SPATA1: variants seen among roughly 807,000 people sequenced by gnomAD.
SPATA1 encodes spermatogenesis-associated protein 1.
A neutral mutation model predicts 59.6 loss-of-function variants in SPATA1; 57 were observed. That is an observed-to-expected ratio of 0.96 (90% CI 0.77 to 1.19). SPATA1 has a LOEUF of 1.19. Among genes scored for constraint, SPATA1 ranks in the 50% most tolerant of loss-of-function variants. The pLI is 0.00. For missense variants in SPATA1, 448 were observed against 480.7 expected (o/e 0.93, Z 0.64); for synonymous variants, 147 against 163.9 (o/e 0.90, Z 0.79).
At chr1:84,532,583 T>C (rs954058446) in intron 6 of SPATA1, among the ~76,000 whole-genome samples, 1 of 152,200 alleles carries the variant, frequency 6.6e-6, no homozygotes, top group Non-Finnish European at 1.5e-5. Context: ...AACCCTTTAA[T>C]AGGAGTGAAT....
downstream of SPATA1, chr1:84,554,953 T>C (rs1308060558): frequency 6.9e-7 from 1 of 1,451,294 alleles, no homozygotes; most frequent in East Asian, 2.3e-5. Context: ...CTAGATCTGT[T>C]GATACAGATC....
chr1:84,521,883 T>G (rs1178414417), intron 3 of SPATA1, among the ~76,000 whole-genome samples: 5 of 152,168 alleles, frequency 3.3e-5, no homozygotes, highest in Non-Finnish European at 7.3e-5. Flanking sequence ...AAACAAGAAC[T>G]CAGATGATAG....
chr1:84,530,238 G>T (rs1353998289), intron 6 of SPATA1, among the ~76,000 whole-genome samples: 2 of 152,152 alleles, frequency 1.3e-5, no homozygotes, highest in Non-Finnish European at 2.9e-5. Flanking sequence ...TACAGTGTAT[G>T]GCCATGCAGA....
chr1:84,553,080 C>G, exon 13 of SPATA1: 1 of 1,525,932 alleles, frequency 6.6e-7, no homozygotes, highest in South Asian at 1.3e-5. Flanking sequence ...GAAAACTGAA[C>G]TGGCACAGAA....
At chr1:84,515,830 A>G (rs1682773206) in intron 1 of SPATA1, among the ~76,000 whole-genome samples, 1 of 152,178 alleles carries the variant, frequency 6.6e-6, no homozygotes, top group Non-Finnish European at 1.5e-5. Flanking sequence ...TCATCATTCT[A>G]TAGCCATTTT....
Position 84,511,655 on chromosome 1 carries a change from CTTTTT to C in SPATA1, c.-137-4557_-137-4553del, listed in dbSNP as rs771793030. On this transcript the variant is annotated intron_variant, in intron 1 of 12. Transcript: ENST00000490879. ...CTGGAGTGCCCTCAGGCATTTCAGG[CTTTTT>C]TTTTTTTTTTCTTTCTTTCTTTTTT... is the stretch of plus-strand genomic sequence containing the variant. 9.5e-4 allele frequency among the ~76,000 whole-genome samples: 77 copies of C among 81,138 alleles called. 2 individuals carry two copies. Among genetic ancestry groups the C allele is most frequent in the Admixed American group, 4.7e-3 (38 of 8,170 alleles). The allele number at this position is 81,138 out of a possible 152,430, so 53.2% of individuals were successfully genotyped here. A position where few individuals can be genotyped will look rare whatever the true frequency, so the allele number is the denominator to read the frequency against.
chr1:84,522,203 T>C (rs1683055616), intron 3 of SPATA1, among the ~76,000 whole-genome samples, 187 bp from the exon 4 acceptor site: 1 of 152,224 alleles, frequency 6.6e-6, no homozygotes, highest in Non-Finnish European at 1.5e-5. Context: ...CTTTTAATTA[T>C]TTATTTTAAG....
intron 1 of SPATA1, among the ~76,000 whole-genome samples, chr1:84,513,782 A>G (rs574445633): frequency 3.3e-5 from 5 of 151,384 alleles, no homozygotes; most frequent in Non-Finnish European, 7.4e-5. Flanking sequence ...TAGCTTTCCC[A>G]TAACATGGGC....
chr1:84,555,215 A>T (rs1684393775), downstream of SPATA1: 1 of 1,579,468 alleles, frequency 6.3e-7, no homozygotes, highest in Non-Finnish European at 8.7e-7. Flanking sequence ...TAAATAAATT[A>T]AAATGGAGAT....
chr1:84,532,290 G>A (rs1440227542), intron 6 of SPATA1, among the ~76,000 whole-genome samples: 1 of 152,212 alleles, frequency 6.6e-6, no homozygotes, highest in African/African-American at 2.4e-5. Context: ...GAGGTCAGGA[G>A]TTCAAGACAA....
chr1:84,541,326 T>G (rs1484747194), intron 8 of SPATA1, among the ~76,000 whole-genome samples: 2 of 152,204 alleles, frequency 1.3e-5, no homozygotes, highest in African/African-American at 4.8e-5. Flanking sequence ...TGTTTTGTTT[T>G]TCTTTCAGGG....
At chr1:84,507,025 G>A (rs1252753821) in intron 1 of SPATA1, 2 of 152,146 alleles carry the variant, frequency 1.3e-5, no homozygotes, top group African/African-American at 2.4e-5. Flanking sequence ...TATTTCCGTT[G>A]TAATTTATTA....
At position 84,537,450 on chromosome 1, in the gene SPATA1, C is replaced by T. The variant is rs549987305; in HGVS notation, c.717+3684C>T. On this transcript the variant is annotated intron_variant, in intron 8 of 12. Transcript: ENST00000490879. ...ATTATTTTTAGTCTTCACAAATAGA[C>T]GTCTACCTTGAATAACCACATGAAG... Among the ~76,000 whole-genome samples, 17 of 152,240 alleles carry T rather than the reference C, an allele frequency of 1.1e-4. No homozygotes were observed. The South Asian group carries it at 3.3e-3, about 30-fold the overall frequency.
chr1:84,565,988 G>T, exon 5 of SPATA1: 1 of 1,564,656 alleles, frequency 6.4e-7, no homozygotes, highest in Non-Finnish European at 8.6e-7. Context: ...ATGTTCTTTG[G>T]AGACCAAGCT....
At chr1:84,541,753 G>GT (rs1411682970) in intron 8 of SPATA1, among the ~76,000 whole-genome samples, 1 of 152,082 alleles carries the variant, frequency 6.6e-6, no homozygotes, top group East Asian at 1.9e-4. Flanking sequence ...TTCTTCATAA[G>GT]TAACTGCATG....
At chr1:84,512,309 A>G (rs1682601337) in intron 1 of SPATA1, among the ~76,000 whole-genome samples, 1 of 152,324 alleles carries the variant, frequency 6.6e-6, no homozygotes, top group African/African-American at 2.4e-5. Context: ...GAAGAGTTCA[A>G]GTCACTTACC....
chr1:84,506,989 G>A (rs970551120), intron 1 of SPATA1: 3 of 152,190 alleles, frequency 2.0e-5, no homozygotes, highest in African/African-American at 7.2e-5. Flanking sequence ...ACTTATTTTT[G>A]TGTTTCCGGA....
chr1:84,554,665 T>C (rs1684375388), downstream of SPATA1: 4 of 184,870 alleles, frequency 2.2e-5, no homozygotes, highest in South Asian at 4.8e-4. Flanking sequence ...ATTTTAAAAA[T>C]CAGCATTGAT....
chr1:84,523,807 C>T (rs1683117102), intron 4 of SPATA1, among the ~76,000 whole-genome samples: 1 of 152,040 alleles, frequency 6.6e-6, no homozygotes, highest in African/African-American at 2.4e-5. Context: ...GAACAACTCT[C>T]ATAATTTTTT....
Sources: gnomAD v4.1 joint callset for allele counts (sites outside exome capture counted in the v4.1 genomes callset) on GRCh38, gnomAD v4.1.1 for gene constraint, MANE v1.5 for transcripts, NCBI Gene and HGNC (gene_info 2026-07-23, HGNC 2026-07-21) for gene names.